BYSL: variants seen among roughly 807,000 people sequenced by gnomAD.
BYSL encodes the protein bystin like, also known as bystin.
BYSL carries 21 observed loss-of-function variants against 45.4 expected under a neutral mutation model. That is an observed-to-expected ratio of 0.46 (90% CI 0.33 to 0.67). The LOEUF is 0.67. Among genes scored for constraint, BYSL ranks in the 30% least tolerant of loss-of-function variants. The pLI is 0.02. For synonymous variants in BYSL, 215 were observed against 231.3 expected (o/e 0.93, Z 0.64); for missense variants, 522 against 578.5 (o/e 0.90, Z 1.00).
upstream of BYSL, chr6:41,916,712 A>G (rs1027314599): frequency 6.4e-7 from 1 of 1,561,180 alleles, no homozygotes; most frequent in African/African-American, 1.4e-5. Context: ...AAAAGCAGAA[A>G]GACTTCAATT....
intron 4 of BYSL, 131 bp from the exon 5 acceptor site, chr6:41,931,265 A>G: frequency 1.9e-6 from 2 of 1,067,318 alleles, no homozygotes; most frequent in South Asian, 3.1e-5. Flanking sequence ...GCTCCCACAC[A>G]TCCCCCACTG....
the BYSL span, among the ~76,000 whole-genome samples, chr6:41,911,909 T>G: frequency 3.9e-5 from 6 of 152,212 alleles, no homozygotes; most frequent in Non-Finnish European, 8.8e-5. Flanking sequence ...CTACTCACTG[T>G]AATTGCATAC....
rs11550268 is a variant in BYSL at position 41,927,448 on chromosome 6, A to G, written c.343A>G (p.Thr115Ala). The change falls in exon 2 of 7, where the codon ACA becomes GCA. Residue 115 changes from threonine to alanine, a missense_variant. Transcript: ENST00000230340. ...WPTLEKAATMTAAGHHAEVVV... is the reference protein window; with the variant it reads ...WPTLEKAATMAAAGHHAEVVV... ...CACCCTGGAGAAGGCTGCCACAATG[A>G]CAGCAGCGGGCCATCATGCAGAGGT... The G allele has an allele frequency of 6.2e-7, 1 of 1,614,206 alleles. No individual in the cohort carries two copies. The highest frequency in any genetic ancestry group is 8.5e-7 in the Non-Finnish European group (1 of 1,180,024).
chr6:41,920,966 A>G, upstream of BYSL: 3 of 1,597,494 alleles, frequency 1.9e-6, no homozygotes, highest in Non-Finnish European at 2.6e-6. Flanking sequence ...GCCTTTCACA[A>G]CTCCAAGCCC....
chr6:41,913,947 T>C, the BYSL span, among the ~76,000 whole-genome samples: 1 of 152,204 alleles, frequency 6.6e-6, no homozygotes, highest in Non-Finnish European at 1.5e-5. Context: ...TTGTATGTAT[T>C]AACTTACTTA....
chr6:41,928,616 G>T, intron 2 of BYSL, among the ~76,000 whole-genome samples: 1 of 152,144 alleles, frequency 6.6e-6, no homozygotes. Flanking sequence ...AGAACTCCTG[G>T]CAGTCGTAAG....
At chr6:41,924,330 C>T (rs1422604441) in intron 1 of BYSL, among the ~76,000 whole-genome samples, 2 of 152,126 alleles carry the variant, frequency 1.3e-5, no homozygotes, top group Non-Finnish European at 2.9e-5. Flanking sequence ...CTCGGCCTCC[C>T]GAAGTGCTGG....
Position 41,921,667 on chromosome 6 carries a change from G to C in BYSL, c.105G>C (p.Glu35Asp). ...ATGCGGTGCGGGCGGGGGTCCGGGA[G>C]AAGCGGCGGGGTCGCGGGACAGGAG... ...AGNAVRAGVR[E>D]KRRGRGTGEA... The change falls in exon 1 of 7, where the codon GAG becomes GAC. Residue 35 changes from glutamate to aspartate, a missense_variant. By Grantham distance (45) the Glu-to-Asp change is conservative. Transcript: ENST00000230340. 1 of 1,613,532 alleles carries C rather than the reference G, an allele frequency of 6.2e-7. No homozygotes were observed. Among genetic ancestry groups the C allele is most frequent in the Non-Finnish European group, 8.5e-7 (1 of 1,179,822 alleles).
At chr6:41,921,859 G>GA (rs1028398034) in intron 1 of BYSL, 29 bp downstream of exon 1, 5 of 1,598,642 alleles carry the variant, frequency 3.1e-6, no homozygotes, top group Non-Finnish European at 3.4e-6. Context: ...GTCCGAGGAA[G>GA]ACAGTGGCCA....
the BYSL span, chr6:41,913,169 T>C: frequency 2.6e-5 from 4 of 151,640 alleles, no homozygotes; most frequent in African/African-American, 9.7e-5. Flanking sequence ...TCCAAACTAC[T>C]AAGTCAGAAA....
chr6:41,927,225 C>G (rs1775575835), intron 1 of BYSL, 149 bp from the exon 2 acceptor site: 9 of 847,724 alleles, frequency 1.1e-5, no homozygotes, highest in Admixed American at 3.0e-5. Context: ...CCCCTGGGGA[C>G]AGGGAGCTAA....
At position 41,931,445 on chromosome 6, in the gene BYSL, C is replaced by T; in HGVS notation, c.754C>T (p.Leu252Phe). 1 of 1,614,172 alleles carries T rather than the reference C, an allele frequency of 6.2e-7. No homozygotes were observed. The highest frequency in any genetic ancestry group is 8.5e-7 in the Non-Finnish European group (1 of 1,180,010). The change falls in exon 5 of 7, where the codon CTT (leucine) becomes TTT (phenylalanine). Residue 252 changes from leucine (L) to phenylalanine (F), a missense_variant. Transcript: ENST00000230340. ...ACGCATGGCCCAGCGCTTCTACAAC[C>T]TTGTCCTGCTCCCTCGAGTACGAGA... ...KERMAQRFYN[L>F]VLLPRVRDDV...
chr6:41,913,242 C>G, the BYSL span: 32 of 152,260 alleles, frequency 2.1e-4, no homozygotes, highest in African/African-American at 7.2e-4. Flanking sequence ...TAATGCTGGT[C>G]AAGTGTGAGA....
intron 1 of BYSL, among the ~76,000 whole-genome samples, chr6:41,922,164 AACAACACAGGCACGTCTAACTTAAGG>A (rs892710843): frequency 3.9e-5 from 6 of 152,288 alleles, no homozygotes; most frequent in African/African-American, 1.4e-4. Context: ...TACAGAAGTA[AACAACACAGGCACGTCTAACTTAAGG>A]ACCTTACAGT....
In BYSL at chr6:41,931,702, A is replaced by G. The variant is rs1293585931; in HGVS notation, c.866-26A>G. On this transcript the variant is annotated intron_variant, in intron 5 of 6. Coordinates refer to ENST00000230340, the MANE Select transcript of BYSL (RefSeq NM_004053.4). ...CTCCTTTTTCTCATCCTGGGCTCAC[A>G]GTGGCTGCCCTTTGACTCTCCCTAG... 6 of 1,610,680 alleles carry G rather than the reference A, an allele frequency of 3.7e-6. No homozygotes were observed. The South Asian group carries it at 4.4e-5, about 12-fold the overall frequency.
At position 41,930,683 on chromosome 6, in the gene BYSL, A is replaced by G; in HGVS notation, c.619A>G (p.Ile207Val). 6.2e-7 allele frequency: 1 copy of G among 1,613,770 alleles called. No individual in the cohort carries two copies. The highest frequency in any genetic ancestry group is 1.3e-5 in the African/African-American group (1 of 75,036). The change falls in exon 4 of 7, where the codon ATC (isoleucine) becomes GTC (valine). Residue 207 changes from isoleucine to valine, a missense_variant. By Grantham distance (29) the Ile-to-Val change is conservative (BLOSUM62 3). Coordinates refer to ENST00000230340, the MANE Select transcript of BYSL (RefSeq NM_004053.4). ...SGKLPKAFKI[I>V]PALSNWEQIL... ...AAAACTGCCCAAGGCATTTAAGATC[A>G]TCCCTGCACTCTCCAACTGGGAGCA...
At chr6:41,915,789 A>AACACACACACAC in the BYSL span, among the ~76,000 whole-genome samples, 12 of 148,592 alleles carry the variant, frequency 8.1e-5, no homozygotes, top group South Asian at 2.1e-4. Context: ...TCCGTCTCAA[A>AACACACACACAC]ACACACACAC....
chr6:41,909,306 A>G, the BYSL span: 5 of 1,614,094 alleles, frequency 3.1e-6, no homozygotes, highest in Non-Finnish European at 4.2e-6. Context: ...CCCCATTGTG[A>G]CCGTGCCCAC....
chr6:41,921,506 TC>T lies in BYSL; in HGVS notation c.-55del. The T allele has an allele frequency of 6.6e-7, 1 of 1,514,816 alleles. No individual in the cohort carries two copies. Among genetic ancestry groups the T allele is most frequent in the Non-Finnish European group, 8.8e-7 (1 of 1,131,992 alleles). The allele number at this position is 1,514,816 out of a possible 1,614,324, so 93.8% of individuals were successfully genotyped here. ...GCTGGGAGTCCACCGCGCAAGCGCA[TC>T]CTGGCCTTTCTTCAGTCCCCACGTG... On this transcript the variant is annotated 5_prime_UTR_variant, in exon 1 of 7. Transcript: ENST00000230340.
Sources: allele counts gnomAD v4.1 joint callset (sites outside exome capture counted in the v4.1 genomes callset), GRCh38; gene constraint gnomAD v4.1.1; transcripts MANE v1.5; gene names NCBI Gene and HGNC (gene_info 2026-07-23, HGNC 2026-07-21).